LRMDA: variants seen among roughly 807,000 people sequenced by gnomAD.
LRMDA encodes leucine rich melanocyte differentiation associated.
A neutral mutation model predicts 29.8 loss-of-function variants in LRMDA; 18 were observed. That is an observed-to-expected ratio of 0.60 (90% CI 0.42 to 0.90). The LOEUF (loss-of-function observed/expected upper bound fraction) is 0.90. Among genes scored for constraint, LRMDA ranks in the 40% least tolerant of loss-of-function variants. The pLI is 0.00. For synonymous variants in LRMDA, 125 were observed against 109.4 expected (o/e 1.14, Z -0.89); for missense variants, 273 against 273.9 (o/e 1.00, Z 0.02).
chr10:76,086,797 A>G (rs1346929188), intron 5 of LRMDA, among the ~76,000 whole-genome samples: 1 of 152,196 alleles, frequency 6.6e-6, no homozygotes, highest in Admixed American at 6.5e-5. Context: ...CTCCCAGCCA[A>G]AGGAAGTCAG....
At chr10:76,050,428 G>A (rs940838854) in intron 4 of LRMDA, among the ~76,000 whole-genome samples, 4 of 152,232 alleles carry the variant, frequency 2.6e-5, no homozygotes, top group African/African-American at 9.6e-5. Flanking sequence ...AAGTTGTTGA[G>A]TAGCACCCTG....
At chr10:75,934,628 G>A (rs1477018112) in intron 2 of LRMDA, among the ~76,000 whole-genome samples, 2 of 152,110 alleles carry the variant, frequency 1.3e-5, no homozygotes, top group African/African-American at 2.4e-5. Flanking sequence ...TGGCTAGTGG[G>A]GAAGAGAGAC....
At chr10:75,455,441 A>G (rs1436648068) in intron 2 of LRMDA, among the ~76,000 whole-genome samples, 5 of 152,206 alleles carry the variant, frequency 3.3e-5, no homozygotes, top group Non-Finnish European at 7.4e-5. Flanking sequence ...AGATAAGGCT[A>G]ATACAGGTGA....
At chr10:75,871,395 G>A (rs1589235669) in intron 2 of LRMDA, among the ~76,000 whole-genome samples, 2 of 152,142 alleles carry the variant, frequency 1.3e-5, no homozygotes, top group African/African-American at 4.8e-5. Flanking sequence ...CTCCATCAGG[G>A]GTAACCTGCA....
intron 5 of LRMDA, among the ~76,000 whole-genome samples, chr10:76,244,886 G>C (rs910868651): frequency 6.6e-5 from 10 of 152,162 alleles, no homozygotes; most frequent in Non-Finnish European, 1.2e-4. Flanking sequence ...AGAACGATGA[G>C]AAAAAGAACA....
chr10:75,614,309 G>A (rs1468718736), intron 2 of LRMDA, among the ~76,000 whole-genome samples: 1 of 152,122 alleles, frequency 6.6e-6, no homozygotes, highest in African/African-American at 2.4e-5. Context: ...TGCCTTGCTG[G>A]TAGGAGGAAG....
At chr10:75,913,328 G>A (rs577003864) in intron 2 of LRMDA, among the ~76,000 whole-genome samples, 3 of 152,120 alleles carry the variant, frequency 2.0e-5, no homozygotes, top group South Asian at 2.1e-4. Context: ...ATGGTGGCGC[G>A]AGCCTGTAGT....
chr10:75,507,778 G>C (rs374616946), intron 2 of LRMDA, among the ~76,000 whole-genome samples: 13 of 152,206 alleles, frequency 8.5e-5, no homozygotes, highest in African/African-American at 3.1e-4. Context: ...CCTTGGCAGA[G>C]ATTTGGAAAT....
intron 2 of LRMDA, among the ~76,000 whole-genome samples, chr10:75,686,022 G>A (rs2463954): frequency 0.65 from 98,694 of 152,030 alleles, 34,407 homozygotes; most frequent in Non-Finnish European, 0.78. Flanking sequence ...AGAGACGAAG[G>A]AATTTGTTCA....
chr10:76,327,422 C>T (rs1840849704), intron 6 of LRMDA, among the ~76,000 whole-genome samples: 1 of 152,144 alleles, frequency 6.6e-6, no homozygotes, highest in Admixed American at 6.5e-5. Context: ...TGACACTGCC[C>T]ATTCTTCAGG....
intron 2 of LRMDA, among the ~76,000 whole-genome samples, chr10:75,573,747 T>G (rs1029330850): frequency 2.6e-5 from 4 of 152,230 alleles, no homozygotes; most frequent in African/African-American, 9.6e-5. Context: ...ACTCTTTTCA[T>G]AGTGATTTGT....
chr10:76,046,057 C>G (rs1180209233), intron 3 of LRMDA, among the ~76,000 whole-genome samples: 1 of 152,184 alleles, frequency 6.6e-6, no homozygotes, highest in Non-Finnish European at 1.5e-5. Context: ...TATGGCATTT[C>G]TTCTACCCTT....
At chr10:75,853,277 C>T (rs1183186238) in intron 2 of LRMDA, among the ~76,000 whole-genome samples, 2 of 152,162 alleles carry the variant, frequency 1.3e-5, no homozygotes, top group Non-Finnish European at 2.9e-5. Context: ...TGCAGGCCTG[C>T]CCAATTCCCC....
intron 6 of LRMDA, among the ~76,000 whole-genome samples, chr10:76,337,017 T>G (rs1204430363): frequency 6.6e-6 from 1 of 152,058 alleles, no homozygotes; most frequent in Non-Finnish European, 1.5e-5. Context: ...AATCAGAAAA[T>G]GAAACTCCTC....
At chr10:76,416,204 G>A (rs1372117326) in intron 6 of LRMDA, among the ~76,000 whole-genome samples, 2 of 152,138 alleles carry the variant, frequency 1.3e-5, no homozygotes, top group South Asian at 2.1e-4. Context: ...TGGAAGTTTC[G>A]GAAAGGAAAG....
At chr10:75,995,515 A>T (rs1847446793) in intron 2 of LRMDA, among the ~76,000 whole-genome samples, 3 of 152,196 alleles carry the variant, frequency 2.0e-5, no homozygotes, top group African/African-American at 7.2e-5. Flanking sequence ...GCTTTCATTA[A>T]TTACCTCTGT....
intron 2 of LRMDA, among the ~76,000 whole-genome samples, chr10:75,729,639 C>T (rs993169262): frequency 6.6e-5 from 10 of 152,080 alleles, no homozygotes; most frequent in African/African-American, 2.4e-4. Context: ...GAAATGGGGT[C>T]ATGAAAATAC....
intron 5 of LRMDA, among the ~76,000 whole-genome samples, chr10:76,071,121 G>A (rs1043861135): frequency 2.0e-5 from 3 of 152,128 alleles, no homozygotes; most frequent in East Asian, 1.9e-4. Flanking sequence ...AATTCCCTTG[G>A]CGAATCTGGA....
chr10:76,096,722 G>C (rs536260638), intron 5 of LRMDA, among the ~76,000 whole-genome samples: 1 of 152,184 alleles, frequency 6.6e-6, no homozygotes, highest in South Asian at 2.1e-4. Flanking sequence ...ACAATATTGA[G>C]TCTGTGAAGA....
Sources: gnomAD v4.1 joint callset for allele counts (sites outside exome capture counted in the v4.1 genomes callset) on GRCh38, gnomAD v4.1.1 for gene constraint, MANE v1.5 for transcripts, NCBI Gene and HGNC (gene_info 2026-07-23, HGNC 2026-07-21) for gene names.